Variants in TTC7A observed in about 807,000 individuals in gnomAD.
TTC7A encodes tetratricopeptide repeat domain 7A, also known as tetratricopeptide repeat protein 7A.
A neutral mutation model predicts 103.7 loss-of-function variants in TTC7A; 110 were observed. That is an observed-to-expected ratio of 1.06 (90% CI 0.91 to 1.24). The LOEUF is 1.24. Among genes scored for constraint, TTC7A ranks in the 50% most tolerant of loss-of-function variants. TTC7A has a pLI of 0.00. For synonymous variants in TTC7A, 521 were observed against 467.9 expected (o/e 1.11, Z -1.47); for missense variants, 1,340 against 1,116.3 (o/e 1.20, Z -2.86).
At chr2:47,003,245 T>C (rs556522319) in intron 8 of TTC7A, among the ~76,000 whole-genome samples, 8 of 152,170 alleles carry the variant, frequency 5.3e-5, no homozygotes, top group South Asian at 4.2e-4. Flanking sequence ...AGTCTAGCCA[T>C]GAGCAAGAAC....
exon 1 of TTC7A, chr2:46,916,249 AACG>A: frequency 1.2e-6 from 1 of 825,350 alleles, no homozygotes; most frequent in Non-Finnish European, 1.5e-6. Context: ...TTCTTGATGA[AACG>A]ACCACAACAC....
At chr2:46,971,706 G>A (rs2104193394) in intron 3 of TTC7A, among the ~76,000 whole-genome samples, 1 of 152,192 alleles carries the variant, frequency 6.6e-6, no homozygotes, top group East Asian at 1.9e-4. Flanking sequence ...TGGTCATTAG[G>A]TGGATGTTGG....
intron 6 of TTC7A, among the ~76,000 whole-genome samples, 189 bp downstream of exon 6, chr2:46,993,717 C>T (rs1010716465): frequency 1.3e-5 from 2 of 152,154 alleles, no homozygotes; most frequent in East Asian, 1.9e-4. Flanking sequence ...TTTCCCCCCG[C>T]GGCATTGCAG....
Position 46,975,066 on chromosome 2 carries a change from C to T in TTC7A, c.611C>T (p.Ser204Phe). Residue 204 changes from serine (S) to phenylalanine (F), a missense_variant, in exon 4 of 20, where the codon TCC (serine) becomes TTC (phenylalanine). Coordinates refer to ENST00000319190, the MANE Select transcript of TTC7A (RefSeq NM_020458.4). ...EEVITCFERA[S>F]WIAQVFLQEL... ...GTGATCACCTGTTTTGAGAGGGCCT[C>T]CTGGATCGCTCAGGTGTTCCTGCAG... The T allele has an allele frequency of 6.2e-7, 1 of 1,613,980 alleles. No homozygotes were observed. The highest frequency in any genetic ancestry group is 8.5e-7 in the Non-Finnish European group (1 of 1,179,906).
intron 15 of TTC7A, among the ~76,000 whole-genome samples, chr2:47,041,638 A>G (rs1479421101): frequency 6.6e-6 from 1 of 152,080 alleles, no homozygotes; most frequent in Non-Finnish European, 1.5e-5. Flanking sequence ...CTGTAATCTC[A>G]GCTGCTCAGG....
chr2:47,066,557 C>T (rs960496372), intron 19 of TTC7A, among the ~76,000 whole-genome samples: 3 of 152,192 alleles, frequency 2.0e-5, no homozygotes, highest in South Asian at 2.1e-4. Context: ...GGCTGGCCCT[C>T]TCCCCCATCA....
At chr2:47,019,746 G>C (rs1046139414) in intron 11 of TTC7A, among the ~76,000 whole-genome samples, 6 of 152,156 alleles carry the variant, frequency 3.9e-5, no homozygotes, top group Non-Finnish European at 8.8e-5. Context: ...TTGCTGAGCA[G>C]AAGGACATGG....
At chr2:46,935,140 C>T (rs1033193364) in intron 2 of TTC7A, among the ~76,000 whole-genome samples, 2 of 152,076 alleles carry the variant, frequency 1.3e-5, no homozygotes, top group Non-Finnish European at 1.5e-5. Context: ...ACTAGACCAA[C>T]ACCCCTGAGA....
intron 2 of TTC7A, among the ~76,000 whole-genome samples, chr2:46,952,409 T>G (rs1346009331): frequency 6.6e-6 from 1 of 152,204 alleles, no homozygotes; most frequent in Non-Finnish European, 1.5e-5. Flanking sequence ...ATAAACATGA[T>G]TCAGCCTTAT....
At chr2:47,005,075 C>A (rs1206934602) in intron 8 of TTC7A, among the ~76,000 whole-genome samples, 1 of 152,226 alleles carries the variant, frequency 6.6e-6, no homozygotes, top group Non-Finnish European at 1.5e-5. Flanking sequence ...CCCCCAGCAG[C>A]CATCTGGCAA....
At chr2:47,017,200 CAAAAAAAAAA>C (rs70940652) in intron 11 of TTC7A, among the ~76,000 whole-genome samples, 1 of 35,584 alleles carries the variant, frequency 2.8e-5, no homozygotes, top group East Asian at 1.2e-3. Flanking sequence ...CACTCTGTCT[CAAAAAAAAAA>C]AAAAAAAAAA....
rs544277092 is a variant in TTC7A, at chr2:46,935,037, G to A, written c.83-15326G>A. ...GATGGTCTTGATATCTTGACCTCGTGATCCACCCACCTCGGCCTCCCAAAG... is the reference window on the plus strand; with the variant it reads ...GATGGTCTTGATATCTTGACCTCGTAATCCACCCACCTCGGCCTCCCAAAG... On this transcript the variant is annotated intron_variant, in intron 2 of 20. Coordinates refer to the TTC7A transcript ENST00000409245. Among the ~76,000 whole-genome samples the A allele has an allele frequency of 1.7e-4, 26 of 151,998 alleles. No individual in the cohort carries two copies. The East Asian group carries it at 5.0e-3, about 29-fold the overall frequency.
At chr2:46,967,411 A>C (rs1221442059) in intron 3 of TTC7A, among the ~76,000 whole-genome samples, 1 of 152,082 alleles carries the variant, frequency 6.6e-6, no homozygotes, top group Non-Finnish European at 1.5e-5. Flanking sequence ...GCAACGCCCC[A>C]TTCCCTCCTC....
rs368304923 is a variant in TTC7A at position 46,999,100 on chromosome 2, G to A, written c.1065+3901G>A. ...CTACCCTCCCATCATTTCTGCATCCGCCCATCCTCCTACCCACCATTCATT... is the reference window on the plus strand; with the variant it reads ...CTACCCTCCCATCATTTCTGCATCCACCCATCCTCCTACCCACCATTCATT... On this transcript the variant is annotated intron_variant, in intron 8 of 19. Transcript: ENST00000319190. 9.2e-5 allele frequency among the ~76,000 whole-genome samples: 14 copies of A among 151,636 alleles called. No homozygotes were observed. In the South Asian group the frequency reaches 2.1e-3, roughly 23 times the overall value.
At chr2:46,979,283 A>G (rs1297548333) in intron 5 of TTC7A, among the ~76,000 whole-genome samples, 1 of 152,132 alleles carries the variant, frequency 6.6e-6, no homozygotes, top group African/African-American at 2.4e-5. Context: ...TGCAGTGTGA[A>G]TGAAGTTATT....
intron 11 of TTC7A, among the ~76,000 whole-genome samples, chr2:47,019,386 C>A (rs1679035411): frequency 1.3e-5 from 2 of 151,216 alleles, no homozygotes; most frequent in Non-Finnish European, 2.9e-5. Context: ...AAAAAAAAAA[C>A]ACACACAAAA....
At chr2:47,039,550 A>G (rs929165119) in intron 15 of TTC7A, among the ~76,000 whole-genome samples, 2 of 152,216 alleles carry the variant, frequency 1.3e-5, no homozygotes, top group Non-Finnish European at 2.9e-5. Context: ...CTACAAGATA[A>G]CTATTTTTTT....
At chr2:46,993,620 G>C (rs983028806) in intron 6 of TTC7A, 92 bp downstream of exon 6, 30 of 1,180,096 alleles carry the variant, frequency 2.5e-5, no homozygotes, top group Middle Eastern at 4.9e-4. Flanking sequence ...TGAAGCAGGG[G>C]TGGCAGTAGG....
chr2:46,999,776 A>T, intron 8 of TTC7A: 1 of 985,476 alleles, frequency 1.0e-6, no homozygotes, highest in Non-Finnish European at 1.2e-6. Context: ...GGGGCATAAA[A>T]ATATGTGCTA....
Sources: gnomAD v4.1 joint callset for allele counts (sites outside exome capture counted in the v4.1 genomes callset) on GRCh38, gnomAD v4.1.1 for gene constraint, MANE v1.5 for transcripts, NCBI Gene and HGNC (gene_info 2026-07-23, HGNC 2026-07-21) for gene names.